The following NRXN3 variants were observed in gnomAD, a reference collection of about 807,000 sequenced individuals.
NRXN3 encodes the protein neurexin III.
In NRXN3, 32 loss-of-function variants were observed where a neutral mutation model predicts 137.6. That is an observed-to-expected ratio of 0.23 (90% CI 0.18 to 0.31). The LOEUF (loss-of-function observed/expected upper bound fraction) is 0.31, where lower values mean the gene tolerates loss of function less well. NRXN3 is among the 10% of genes least tolerant of loss of function. The pLI is 1.00. For synonymous variants in NRXN3, 798 were observed against 784.5 expected, an observed-to-expected ratio of 1.02 and a Z score of -0.29; for missense variants, 1,574 against 2,062.5, an observed-to-expected ratio of 0.76 and a Z score of 4.59.
At chr14:78,562,650 A>G (rs1457517899) in intron 4 of NRXN3, among the ~76,000 whole-genome samples, 3 of 152,186 alleles carry the variant, frequency 2.0e-5, no homozygotes, top group Non-Finnish European at 4.4e-5. Context: ...CAGCTTGCAC[A>G]TCCTGCCCAG....
intron 15 of NRXN3, among the ~76,000 whole-genome samples, chr14:79,045,836 T>C (rs556576448): frequency 6.6e-6 from 1 of 152,336 alleles, no homozygotes; most frequent in East Asian, 1.9e-4. Context: ...AGTGATCTTG[T>C]TCAGTTTCTA....
At chr14:78,508,392 G>A (rs1263600480) in intron 4 of NRXN3, among the ~76,000 whole-genome samples, 2 of 152,148 alleles carry the variant, frequency 1.3e-5, no homozygotes, top group African/African-American at 2.4e-5. Context: ...AGAGGTTAAT[G>A]GTTTTCTTTT....
chr14:78,860,788 A>G (rs2099070250), intron 10 of NRXN3, among the ~76,000 whole-genome samples: 1 of 152,056 alleles, frequency 6.6e-6, no homozygotes, highest in Admixed American at 6.6e-5. Flanking sequence ...CTTCATGTTG[A>G]GCAGGTTGAG....
At chr14:79,123,531 C>T (rs1451572934) in intron 15 of NRXN3, among the ~76,000 whole-genome samples, 5 of 152,174 alleles carry the variant, frequency 3.3e-5, no homozygotes, top group African/African-American at 1.2e-4. Flanking sequence ...CAGTTATTGA[C>T]TGACTACTGC....
At chr14:79,648,341 T>A (rs2098460978) in intron 16 of NRXN3, among the ~76,000 whole-genome samples, 2 of 135,780 alleles carry the variant, frequency 1.5e-5, no homozygotes, top group South Asian at 2.3e-4. Context: ...TCTGGCTGAT[T>A]GTCCTACAGA....
At chr14:79,562,922 A>G (rs892094557) in intron 16 of NRXN3, among the ~76,000 whole-genome samples, 9 of 152,116 alleles carry the variant, frequency 5.9e-5, no homozygotes, top group East Asian at 1.9e-4. Context: ...TTCCATTTCA[A>G]TTCTTCATAA....
intron 15 of NRXN3, among the ~76,000 whole-genome samples, chr14:79,414,499 A>G (rs1434210966): frequency 6.6e-6 from 1 of 152,140 alleles, no homozygotes; most frequent in Non-Finnish European, 1.5e-5. Flanking sequence ...TTTCTCCCAC[A>G]GTAAAGAAGT....
chr14:79,392,703 G>A (rs763727986), intron 15 of NRXN3, among the ~76,000 whole-genome samples: 2 of 152,146 alleles, frequency 1.3e-5, no homozygotes, highest in African/African-American at 2.4e-5. Flanking sequence ...CAGGTGTGGT[G>A]GCTCATGCCT....
chr14:79,335,662 A>G (rs149663210), intron 15 of NRXN3, among the ~76,000 whole-genome samples: 2 of 152,040 alleles, frequency 1.3e-5, no homozygotes, highest in African/African-American at 4.8e-5. Context: ...GATATATACT[A>G]TATATATATC....
intron 15 of NRXN3, among the ~76,000 whole-genome samples, chr14:79,115,325 C>CAAAAA (rs11426637): frequency 7.6e-6 from 1 of 131,182 alleles, no homozygotes; most frequent in African/African-American, 2.9e-5. Context: ...AACTCTGTCT[C>CAAAAA]AAAAAAAAAA....
At chr14:79,838,553 A>T (rs1427390196) in intron 20 of NRXN3, among the ~76,000 whole-genome samples, 1 of 152,210 alleles carries the variant, frequency 6.6e-6, no homozygotes, top group Non-Finnish European at 1.5e-5. Flanking sequence ...ATATGTCAGC[A>T]CCTTTTCACT....
intron 15 of NRXN3, among the ~76,000 whole-genome samples, chr14:79,358,096 G>A (rs2093490438): frequency 6.6e-6 from 1 of 152,182 alleles, no homozygotes; most frequent in Non-Finnish European, 1.5e-5. Flanking sequence ...CACACAGCAC[G>A]TGAGTTATTC....
intron 4 of NRXN3, among the ~76,000 whole-genome samples, chr14:78,334,493 C>T (rs117992890): frequency 0.013 from 1,997 of 152,240 alleles, 17 homozygotes; most frequent in Non-Finnish European, 0.021. Context: ...AGGGCTCCTC[C>T]CCGAGGATGA....
chr14:78,718,750 T>G (rs2098446008), intron 8 of NRXN3, among the ~76,000 whole-genome samples: 2 of 152,248 alleles, frequency 1.3e-5, no homozygotes, highest in Admixed American at 6.5e-5. Flanking sequence ...AAGATGTAGC[T>G]GTCTCTACCT....
At chr14:79,840,822 T>C (rs1269442427) in intron 20 of NRXN3, among the ~76,000 whole-genome samples, 5 of 152,210 alleles carry the variant, frequency 3.3e-5, no homozygotes, top group Admixed American at 6.5e-5. Flanking sequence ...GTTTTAATTA[T>C]GTAATTATAA....
chr14:79,346,486 T>C (rs574065752), intron 15 of NRXN3, among the ~76,000 whole-genome samples: 4 of 152,206 alleles, frequency 2.6e-5, no homozygotes, highest in South Asian at 2.1e-4. Flanking sequence ...GAGCACATCA[T>C]AAAATGATCT....
chr14:79,443,292 T>C (rs2095999280), intron 15 of NRXN3, among the ~76,000 whole-genome samples: 1 of 152,222 alleles, frequency 6.6e-6, no homozygotes, highest in South Asian at 2.1e-4. Flanking sequence ...GATAAAAAGA[T>C]ACAAACTTGT....
At chr14:79,152,000 T>C (rs541810371) in intron 15 of NRXN3, among the ~76,000 whole-genome samples, 3 of 152,098 alleles carry the variant, frequency 2.0e-5, no homozygotes, top group South Asian at 2.1e-4. Context: ...CCAGAAGTGA[T>C]GTGCTAACAA....
chr14:79,548,039 A>AT (rs966295729), intron 16 of NRXN3, among the ~76,000 whole-genome samples: 1 of 151,830 alleles, frequency 6.6e-6, no homozygotes, highest in South Asian at 2.1e-4. Flanking sequence ...TTAACTATTA[A>AT]TTTTTTTTAT....
Sources: gnomAD v4.1 joint callset for allele counts (sites outside exome capture counted in the v4.1 genomes callset) on GRCh38, gnomAD v4.1.1 for gene constraint, MANE v1.5 for transcripts, NCBI Gene and HGNC (gene_info 2026-07-23, HGNC 2026-07-21) for gene names.